ENOX1: variants seen among roughly 807,000 people sequenced by gnomAD.
The protein encoded by ENOX1 is candidate growth-related and time keeping constitutive hydroquinone (NADH) oxidase.
ENOX1 carries 42 observed loss-of-function variants against 82.5 expected under a neutral mutation model. The ratio of observed to expected loss-of-function variants is 0.51; its 90% CI spans 0.40 to 0.66. The LOEUF (loss-of-function observed/expected upper bound fraction) is 0.66, where lower values mean the gene tolerates loss of function less well. Ranked by LOEUF, ENOX1 falls within the 30% of genes least tolerant of loss-of-function variation. The pLI is 0.00. For missense variants in ENOX1, 608 were observed against 811.6 expected (o/e 0.75, Z 3.05); for synonymous variants, 271 against 282.2 (o/e 0.96, Z 0.40).
At chr13:43,346,006 T>C (rs2049356380) in intron 8 of ENOX1, among the ~76,000 whole-genome samples, 1 of 152,202 alleles carries the variant, frequency 6.6e-6, no homozygotes. Context: ...AGATGCATGC[T>C]TGAGAAAAAG....
At chr13:43,637,608 T>C (rs1301606540) in intron 2 of ENOX1, among the ~76,000 whole-genome samples, 1 of 151,942 alleles carries the variant, frequency 6.6e-6, no homozygotes, top group African/African-American at 2.4e-5. Context: ...ATGGATTAGA[T>C]TGTTCTGATC....
chr13:43,513,311 G>T (rs867355605), intron 2 of ENOX1, among the ~76,000 whole-genome samples: 1 of 151,996 alleles, frequency 6.6e-6, no homozygotes, highest in Admixed American at 6.6e-5. Flanking sequence ...AAGAAAGGGT[G>T]TAAAACATTA....
chr13:43,354,575 T>C (rs2050028832), intron 8 of ENOX1, among the ~76,000 whole-genome samples: 1 of 152,106 alleles, frequency 6.6e-6, no homozygotes, highest in Admixed American at 6.5e-5. Flanking sequence ...TCCAATCCAC[T>C]TTATACACTG....
At chr13:43,660,100 C>A (rs147037774) in intron 2 of ENOX1, among the ~76,000 whole-genome samples, 1 of 152,278 alleles carries the variant, frequency 6.6e-6, no homozygotes, top group African/African-American at 2.4e-5. Flanking sequence ...CTCTCCCTTC[C>A]AGGGGTTCTT....
At chr13:43,630,933 T>TTG (rs139713177) in intron 2 of ENOX1, among the ~76,000 whole-genome samples, 33,060 of 149,184 alleles carry the variant, frequency 0.22, 4,422 homozygotes, top group Non-Finnish European at 0.32. Context: ...GTGTGTGTGT[T>TTG]TGTGTGTGTG....
intron 2 of ENOX1, among the ~76,000 whole-genome samples, chr13:43,562,961 C>A (rs1593834431): frequency 6.6e-6 from 1 of 152,128 alleles, no homozygotes; most frequent in East Asian, 1.9e-4. Context: ...ACCCCACTTT[C>A]AGCATTAGAC....
intron 5 of ENOX1, among the ~76,000 whole-genome samples, chr13:43,409,599 A>G (rs2053998788): frequency 6.6e-6 from 1 of 152,218 alleles, no homozygotes; most frequent in African/African-American, 2.4e-5. Flanking sequence ...AGGGAGACTA[A>G]GTTCTTTAAA....
At chr13:43,698,120 G>A (rs934746634) in intron 1 of ENOX1, among the ~76,000 whole-genome samples, 17 of 151,898 alleles carry the variant, frequency 1.1e-4, no homozygotes, top group African/African-American at 4.1e-4. Flanking sequence ...ATGAAGGAGT[G>A]GACTCAAAAA....
intron 1 of ENOX1, among the ~76,000 whole-genome samples, chr13:43,779,667 A>C (rs1022597418): frequency 6.6e-6 from 1 of 152,154 alleles, no homozygotes; most frequent in African/African-American, 2.4e-5. Context: ...CTATGAACAG[A>C]CAGATTTGAA....
chr13:43,481,174 C>G (rs1199602395), intron 3 of ENOX1, among the ~76,000 whole-genome samples: 3 of 152,054 alleles, frequency 2.0e-5, no homozygotes, highest in African/African-American at 4.8e-5. Flanking sequence ...AATTTGGAAG[C>G]CTCATACTTC....
At chr13:43,611,119 C>A (rs1462321929) in intron 2 of ENOX1, among the ~76,000 whole-genome samples, 1 of 152,118 alleles carries the variant, frequency 6.6e-6, no homozygotes, top group African/African-American at 2.4e-5. Context: ...ATTTTGCTTG[C>A]AAATTGCCTA....
chr13:43,628,918 G>A (rs2083087422), intron 2 of ENOX1, among the ~76,000 whole-genome samples: 1 of 152,170 alleles, frequency 6.6e-6, no homozygotes, highest in African/African-American at 2.4e-5. Context: ...ACACTGATGT[G>A]AGGGTAGCAC....
chr13:43,345,614 T>C (rs1423767303), intron 8 of ENOX1, among the ~76,000 whole-genome samples: 4 of 152,166 alleles, frequency 2.6e-5, no homozygotes, highest in African/African-American at 9.7e-5. Context: ...AAAAGAAAGT[T>C]TGTGGGTGAT....
chr13:43,570,866 T>C (rs986253499), intron 2 of ENOX1, among the ~76,000 whole-genome samples: 3 of 152,142 alleles, frequency 2.0e-5, no homozygotes, highest in African/African-American at 7.2e-5. Context: ...ATTTTACATA[T>C]TGTATATTTT....
intron 2 of ENOX1, among the ~76,000 whole-genome samples, chr13:43,654,729 C>T (rs1393278670): frequency 6.6e-6 from 1 of 152,108 alleles, no homozygotes; most frequent in African/African-American, 2.4e-5. Flanking sequence ...AGAAAAGGGG[C>T]TCATGATAAT....
At chr13:43,648,015 AG>A (rs919018365) in intron 2 of ENOX1, among the ~76,000 whole-genome samples, 60 of 152,172 alleles carry the variant, frequency 3.9e-4, no homozygotes, top group African/African-American at 1.4e-3. Flanking sequence ...TCTCCCCCAA[AG>A]TCTTCAGCCA....
At chr13:43,588,938 T>A (rs555295958) in intron 2 of ENOX1, among the ~76,000 whole-genome samples, 2 of 151,974 alleles carry the variant, frequency 1.3e-5, no homozygotes, top group Non-Finnish European at 2.9e-5. Flanking sequence ...GAGGGAGAAG[T>A]GGTATTTTAA....
At chr13:43,625,267 T>C (rs1203143414) in intron 2 of ENOX1, among the ~76,000 whole-genome samples, 1 of 151,990 alleles carries the variant, frequency 6.6e-6, no homozygotes, top group Non-Finnish European at 1.5e-5. Flanking sequence ...TATAGATTCT[T>C]TGATATATTC....
chr13:43,671,317 A>G (rs1355371241), intron 1 of ENOX1, among the ~76,000 whole-genome samples: 1 of 152,202 alleles, frequency 6.6e-6, no homozygotes, highest in African/African-American at 2.4e-5. Context: ...CACATCATCT[A>G]ATCATAAGGT....
Sources: gnomAD v4.1 joint callset for allele counts (sites outside exome capture counted in the v4.1 genomes callset) on GRCh38, gnomAD v4.1.1 for gene constraint, MANE v1.5 for transcripts, NCBI Gene and HGNC (gene_info 2026-07-23, HGNC 2026-07-21) for gene names.